CDC37L1: variants seen among roughly 807,000 people sequenced by gnomAD.
The protein encoded by CDC37L1 is cell division cycle 37 like 1, HSP90 cochaperone, also known as hsp90 co-chaperone Cdc37-like 1.
In CDC37L1, 32 loss-of-function variants were observed where a neutral mutation model predicts 45.9. That is an observed-to-expected ratio of 0.70 (90% CI 0.53 to 0.94). The LOEUF is 0.94. Ranked by LOEUF, CDC37L1 falls within the 40% of genes least tolerant of loss-of-function variation. The pLI is 0.00. For synonymous variants in CDC37L1, 150 were observed against 133.0 expected, an observed-to-expected ratio of 1.13 and a Z score of -0.88; for missense variants, 434 against 405.7, an observed-to-expected ratio of 1.07 and a Z score of -0.60.
chr9:4,680,033 C>T (rs1841174342), intron 1 of CDC37L1, 134 bp downstream of exon 1: 11 of 1,147,914 alleles, frequency 9.6e-6, no homozygotes, highest in Non-Finnish European at 1.2e-5. Flanking sequence ...GGACCTGGGA[C>T]CTGACGCCTG....
In CDC37L1 at chr9:4,697,047, G is replaced by A. The variant is rs753698537; in HGVS notation, c.509-49G>A. 3.1e-5 allele frequency: 25 copies of A among 797,430 alleles called. No homozygotes were observed. In the South Asian group the frequency reaches 3.6e-4, roughly 11 times the overall value. 49.4% of individuals were successfully genotyped at this position (797,430 alleles called of 1,614,324 possible). A position where few individuals can be genotyped will look rare whatever the true frequency, so the allele number is the denominator to read the frequency against. On this transcript the variant is annotated intron_variant, in intron 3 of 6. Coordinates refer to ENST00000381854, the MANE Select transcript of CDC37L1 (RefSeq NM_017913.4). ...AATGGTTGGTATTTCTTCCCTTATG[G>A]GAAGAAAGAAAATATTTGACACTTA...
At chr9:4,685,417 A>G (rs534500871) in intron 2 of CDC37L1, 63 of 307,580 alleles carry the variant, frequency 2.0e-4, no homozygotes, top group Non-Finnish European at 3.1e-4. Context: ...TATTACATAT[A>G]TTAAAAAACA....
chr9:4,708,094 C>T lies in CDC37L1; in HGVS notation c.*1982C>T, dbSNP rs1172527185. On this transcript the variant is annotated 3_prime_UTR_variant, in exon 7 of 7. Transcript: ENST00000381854. ...GTGTGATTGGGTCTGTTGTGGGAAC[C>T]ACTGACTGATGCCATAATTTGCACT... The T allele has an allele frequency of 1.3e-5, 2 of 152,188 alleles. No homozygotes were observed. The highest frequency in any genetic ancestry group is 2.9e-5 in the Non-Finnish European group (2 of 68,024). The allele number at this position is 152,188 out of a possible 1,614,324, so 9.4% of individuals were successfully genotyped here. A position where few individuals can be genotyped will look rare whatever the true frequency, so the allele number is the denominator to read the frequency against.
chr9:4,680,028 T>C, intron 1 of CDC37L1, 129 bp downstream of exon 1: 3 of 1,233,898 alleles, frequency 2.4e-6, no homozygotes, highest in South Asian at 3.0e-5. Flanking sequence ...GCCGGGGACC[T>C]GGGACCTGAC....
chr9:4,691,181 T>C (rs190947192), intron 3 of CDC37L1, among the ~76,000 whole-genome samples: 1 of 152,324 alleles, frequency 6.6e-6, no homozygotes, highest in Non-Finnish European at 1.5e-5. Context: ...TTGTTTAACT[T>C]TTGTTTTAAA....
intron 2 of CDC37L1, chr9:4,685,432 CA>C (rs1841238530): frequency 3.5e-6 from 1 of 283,820 alleles, no homozygotes; most frequent in Non-Finnish European, 6.7e-6. Flanking sequence ...AAAACATTCA[CA>C]AGAATTTGAT....
intron 3 of CDC37L1, among the ~76,000 whole-genome samples, chr9:4,692,953 G>A (rs913053061): frequency 1.2e-4 from 19 of 152,034 alleles, no homozygotes; most frequent in African/African-American, 4.6e-4. Flanking sequence ...GTATGGGTTT[G>A]GTTTCAAGTA....
Position 4,685,101 on chromosome 9 carries a change from A to G in CDC37L1, c.357A>G (p.Gln119=). The G allele has an allele frequency of 6.2e-7, 1 of 1,613,886 alleles. No individual in the cohort carries two copies. Among genetic ancestry groups the G allele is most frequent in the African/African-American group, 1.3e-5 (1 of 75,034 alleles). ...EWRQKEEALV[Q]REKMCLWSTD... ...GACAGAAAGAAGAAGCTCTAGTACA[A>G]AGAGAGAAGATGTGTCTGTGGAGCA... Residue 119 remains glutamine (Q), a synonymous_variant, in exon 2 of 7, where the codon CAA becomes CAG. Coordinates refer to ENST00000381854, the MANE Select transcript of CDC37L1 (RefSeq NM_017913.4).
At position 4,707,128 on chromosome 9, in the gene CDC37L1, C is replaced by CTCT. The variant is rs1841451605; in HGVS notation, c.*1018_*1020dup. On this transcript the variant is annotated 3_prime_UTR_variant, in exon 7 of 7. Transcript: ENST00000381854. ...TTACCTATTTCTGAGAATTTGGTGA[C>CTCT]TCTTATTGGTAATGATGGCATTTAC... 6.6e-6 allele frequency: 1 copy of CTCT among 152,164 alleles called. No individual in the cohort carries two copies. Among genetic ancestry groups the CTCT allele is most frequent in the Non-Finnish European group, 1.5e-5 (1 of 68,012 alleles). The allele number at this position is 152,164 out of a possible 1,614,324, so 9.4% of individuals were successfully genotyped here. A position where few individuals can be genotyped will look rare whatever the true frequency, so the allele number is the denominator to read the frequency against.
At chr9:4,686,120 G>A (rs928331418) in intron 2 of CDC37L1, among the ~76,000 whole-genome samples, 9 of 152,152 alleles carry the variant, frequency 5.9e-5, no homozygotes, top group African/African-American at 2.2e-4. Flanking sequence ...GCAGTGAACC[G>A]AGATCGTGCC....
At chr9:4,687,449 T>G (rs1388746785) in intron 2 of CDC37L1, among the ~76,000 whole-genome samples, 2 of 151,856 alleles carry the variant, frequency 1.3e-5, no homozygotes, top group East Asian at 3.9e-4. Flanking sequence ...AAGGCCAAGG[T>G]GAAGGGATTG....
Position 4,679,767 on chromosome 9 carries a change from C to A in CDC37L1, c.-1C>A. The stretch of plus-strand genomic sequence containing the variant: ...GGTTGTAGGACCCGGAGCAGCCGGA[C>A]ATGGAACAACCGTGGCCGCCTCCGG... On this transcript the variant is annotated 5_prime_UTR_variant, in exon 1 of 7. Transcript: ENST00000381854. The A allele has an allele frequency of 6.2e-7, 1 of 1,611,144 alleles. No individual in the cohort carries two copies. Among genetic ancestry groups the A allele is most frequent in the South Asian group, 1.1e-5 (1 of 90,866 alleles).
intron 6 of CDC37L1, among the ~76,000 whole-genome samples, chr9:4,704,061 A>G (rs185600587): frequency 1.3e-5 from 2 of 152,342 alleles, no homozygotes; most frequent in African/African-American, 4.8e-5. Context: ...GGGAAGTAAA[A>G]TGAGAGGCCA....
chr9:4,697,848 G>C lies in CDC37L1; in HGVS notation c.716G>C (p.Gly239Ala). 6.2e-7 allele frequency: 1 copy of C among 1,612,946 alleles called. No homozygotes were observed. The highest frequency in any genetic ancestry group is 8.5e-7 in the Non-Finnish European group (1 of 1,179,310). ...AAAAACTGTAATGTGGATCCAAGAG[G>C]GTGTTTTCGTTTATTTTTCCAGAAA... ...MAKNCNVDPR[G>A]CFRLFFQKAK... is the part of the protein sequence containing the mutation. The change falls in exon 5 of 7, where the codon GGG becomes GCG. Residue 239 changes from glycine (G) to alanine (A), a missense_variant. By Grantham distance (60) the Gly-to-Ala change is moderately conservative. Transcript: ENST00000381854.
chr9:4,704,930 G>T (rs375551090), intron 6 of CDC37L1, among the ~76,000 whole-genome samples: 1 of 152,004 alleles, frequency 6.6e-6, no homozygotes, highest in African/African-American at 2.4e-5. Flanking sequence ...ACTAAATAGA[G>T]GCAGGATTAA....
In CDC37L1 at chr9:4,701,843, T is replaced by G. The variant is rs746606882; in HGVS notation, c.748-21T>G. 1.1e-4 allele frequency: 140 copies of G among 1,300,308 alleles called. 1 individual carries two copies. The East Asian group carries it at 2.5e-3, about 23-fold the overall frequency. 80.5% of individuals were successfully genotyped at this position (1,300,308 alleles called of 1,614,324 possible). On this transcript the variant is annotated intron_variant, in intron 5 of 6. Transcript: ENST00000381854. ...AAATCTTGAAGAACACAGTCTTTGT[T>G]TTTTTTTTTGTTTTTTCTAGGCAGA...
intron 1 of CDC37L1, 81 bp downstream of exon 1, chr9:4,679,980 C>T (rs1005740925): frequency 4.3e-5 from 65 of 1,528,092 alleles, no homozygotes; most frequent in South Asian, 1.2e-4. Context: ...CCCAGACCCT[C>T]TTCTACGCCT....
chr9:4,703,471 C>T (rs2130855231), intron 6 of CDC37L1, among the ~76,000 whole-genome samples: 1 of 151,992 alleles, frequency 6.6e-6, no homozygotes, highest in African/African-American at 2.4e-5. Flanking sequence ...CAAATTCCTA[C>T]AGATTATCTC....
intron 6 of CDC37L1, among the ~76,000 whole-genome samples, chr9:4,704,862 G>A (rs961149799): frequency 3.3e-5 from 5 of 152,056 alleles, no homozygotes; most frequent in East Asian, 3.9e-4. Flanking sequence ...GGTTTATCCT[G>A]TAGACTAGTT....
Sources: gnomAD v4.1 joint callset for allele counts (sites outside exome capture counted in the v4.1 genomes callset) on GRCh38, gnomAD v4.1.1 for gene constraint, MANE v1.5 for transcripts, NCBI Gene and HGNC (gene_info 2026-07-23, HGNC 2026-07-21) for gene names.